The following PITPNM3 variants were observed in gnomAD, a reference collection of about 807,000 sequenced individuals.
PITPNM3 encodes membrane-associated phosphatidylinositol transfer protein 3.
A neutral mutation model predicts 102.0 loss-of-function variants in PITPNM3; 26 were observed. That is an observed-to-expected ratio of 0.25 (90% CI 0.19 to 0.35). The LOEUF is 0.35. Among genes scored for constraint, PITPNM3 ranks in the 10% least tolerant of loss-of-function variants. PITPNM3 has a pLI of 1.00. For synonymous variants in PITPNM3, 578 were observed against 558.6 expected, an observed-to-expected ratio of 1.03 and a Z score of -0.49; for missense variants, 1,083 against 1,346.1, an observed-to-expected ratio of 0.80 and a Z score of 3.06.
Position 6,471,156 on chromosome 17 carries a change from C to A in PITPNM3, c.1624+5G>T. ...CAGGCAGGGCCCCAAAAGGACCTCA[C>A]TCACTGCGGGAGGCACCCACGGGTG... On this transcript the variant is annotated splice_donor_5th_base_variant and intron_variant, in intron 12 of 19. Coordinates refer to ENST00000262483, the MANE Select transcript of PITPNM3 (RefSeq NM_031220.4). The A allele has an allele frequency of 6.2e-7, 1 of 1,611,972 alleles. No homozygotes were observed. The highest frequency in any genetic ancestry group is 8.5e-7 in the Non-Finnish European group (1 of 1,179,962).
At chr17:6,525,766 AGT>A (rs565579177) in intron 2 of PITPNM3, among the ~76,000 whole-genome samples, 2 of 152,236 alleles carry the variant, frequency 1.3e-5, no homozygotes, top group Non-Finnish European at 2.9e-5. Context: ...CTTGAAAGTC[AGT>A]GTGTTTGGGA....
chr17:6,494,991 G>A (rs575480114), intron 4 of PITPNM3, among the ~76,000 whole-genome samples: 2 of 152,188 alleles, frequency 1.3e-5, no homozygotes, highest in East Asian at 3.9e-4. Flanking sequence ...TCATGATCTA[G>A]TATCAACATC....
chr17:6,453,214 C>T lies in PITPNM3; in HGVS notation c.*2124G>A, dbSNP rs934187506. 12 of 151,944 alleles carry T rather than the reference C, an allele frequency of 7.9e-5. No individual in the cohort carries two copies. Among genetic ancestry groups the T allele is most frequent in the Non-Finnish European group, 1.8e-4 (12 of 68,014 alleles). 9.4% of individuals were successfully genotyped at this position (151,944 alleles called of 1,614,324 possible). A position where few individuals can be genotyped will look rare whatever the true frequency, so the allele number is the denominator to read the frequency against. On this transcript the variant is annotated 3_prime_UTR_variant, in exon 20 of 20. Transcript: ENST00000262483. ...GGTTCTCAGGGAAGAGGGAATGTAA[C>T]TGGGAGCAAAGTACCCCATACTAAT...
rs1264634412 is a variant in PITPNM3 at position 6,451,278 on chromosome 17, T to C, written c.*4060A>G. 6.6e-6 allele frequency: 1 copy of C among 152,166 alleles called. No homozygotes were observed. Among genetic ancestry groups the C allele is most frequent in the East Asian group, 1.9e-4 (1 of 5,188 alleles). The allele number at this position is 152,166 out of a possible 1,614,324, so 9.4% of individuals were successfully genotyped here. On this transcript the variant is annotated 3_prime_UTR_variant, in exon 20 of 20. Transcript: ENST00000262483. ...AAACACATTGTAAAGGCAAAGAAGGTTTTTATTTAAGTGACAACATTTGAG... is the reference window on the plus strand; with the variant it reads ...AAACACATTGTAAAGGCAAAGAAGGCTTTTATTTAAGTGACAACATTTGAG...
chr17:6,544,909 G>A (rs1242321808), intron 1 of PITPNM3, among the ~76,000 whole-genome samples: 4 of 152,168 alleles, frequency 2.6e-5, no homozygotes, highest in African/African-American at 9.7e-5. Flanking sequence ...TCACACTTCA[G>A]TGCTCTCAGC....
At chr17:6,504,001 G>C (rs983345549) in intron 3 of PITPNM3, among the ~76,000 whole-genome samples, 3 of 152,090 alleles carry the variant, frequency 2.0e-5, no homozygotes, top group Non-Finnish European at 4.4e-5. Context: ...CTCTGGATCT[G>C]CATATCCCAC....
chr17:6,510,715 A>G (rs1265360521), intron 3 of PITPNM3, among the ~76,000 whole-genome samples: 1 of 152,276 alleles, frequency 6.6e-6, no homozygotes, highest in Non-Finnish European at 1.5e-5. Flanking sequence ...GGACACACCC[A>G]GAAAAGCACA....
chr17:6,459,537 C>G lies in PITPNM3; in HGVS notation c.2491-1815G>C, dbSNP rs1429101532. ...AGCCCAGAACTACCCTAAGCCATATCAGGTCCCGTGGCTGTATCAGCCTTG... is the reference window on the plus strand; with the variant it reads ...AGCCCAGAACTACCCTAAGCCATATGAGGTCCCGTGGCTGTATCAGCCTTG... On this transcript the variant is annotated intron_variant, in intron 18 of 19. Coordinates refer to ENST00000262483, the MANE Select transcript of PITPNM3 (RefSeq NM_031220.4). This position sits in a 1 kb window ranked among gnomAD's most constrained non-coding sequence, Gnocchi z 5.0. 6.6e-6 allele frequency among the ~76,000 whole-genome samples: 1 copy of G among 152,132 alleles called. No individual in the cohort carries two copies. Among genetic ancestry groups the G allele is most frequent in the African/African-American group, 2.4e-5 (1 of 41,436 alleles).
chr17:6,472,157 C>T lies in PITPNM3; in HGVS notation c.1429+500G>A, dbSNP rs1455845465. On this transcript the variant is annotated intron_variant, in intron 11 of 19. Coordinates refer to ENST00000262483, the MANE Select transcript of PITPNM3 (RefSeq NM_031220.4). This position sits in a 1 kb window ranked among gnomAD's most constrained non-coding sequence, Gnocchi z 4.1. Reference sequence around the variant, plus strand: ...TTGACCCTGGAGGCCACTGGCTCTTCGCCAAAACACCTGCCCTCGCTCCTG... The same window carrying T: ...TTGACCCTGGAGGCCACTGGCTCTTTGCCAAAACACCTGCCCTCGCTCCTG... Among the ~76,000 whole-genome samples the T allele has an allele frequency of 2.6e-5, 4 of 152,140 alleles. No homozygotes were observed. The highest frequency in any genetic ancestry group is 2.0e-4 in the Admixed American group (3 of 15,270).
chr17:6,487,124 A>C (rs1906142086), intron 4 of PITPNM3, among the ~76,000 whole-genome samples: 1 of 152,168 alleles, frequency 6.6e-6, no homozygotes, highest in African/African-American at 2.4e-5. Context: ...AAGAAGAACC[A>C]GGAGTGATGG....
intron 4 of PITPNM3, among the ~76,000 whole-genome samples, chr17:6,495,457 G>A (rs1211389509): frequency 6.6e-6 from 1 of 152,154 alleles, no homozygotes; most frequent in African/African-American, 2.4e-5. Context: ...CCCTGGCCCT[G>A]GGTGGAGGAG....
At chr17:6,505,911 C>G (rs1281790166) in intron 3 of PITPNM3, among the ~76,000 whole-genome samples, 1 of 152,028 alleles carries the variant, frequency 6.6e-6, no homozygotes, top group Non-Finnish European at 1.5e-5. Context: ...ACTGAGGACT[C>G]CAAGGAAGCT....
Position 6,488,461 on chromosome 17 carries a change from A to T in PITPNM3, c.275-4169T>A, listed in dbSNP as rs549383486. ...GCTTACTCGTCTATTTCCCCATCAG[A>T]CTGTGGGCCCCTTGAGAATAGAGTT... is the stretch of plus-strand genomic sequence containing the variant. On this transcript the variant is annotated intron_variant, in intron 4 of 19. Transcript: ENST00000262483. Among the ~76,000 whole-genome samples the T allele has an allele frequency of 4.7e-4, 71 of 151,712 alleles. 1 individual carries two copies. The South Asian group carries it at 0.015, about 31-fold the overall frequency.
At chr17:6,542,064 CCT>C (rs769247419) in intron 1 of PITPNM3, among the ~76,000 whole-genome samples, 9 of 152,180 alleles carry the variant, frequency 5.9e-5, no homozygotes, top group Admixed American at 1.3e-4. Flanking sequence ...TCAGTCTCCT[CCT>C]CTCTCCATTG....
intron 3 of PITPNM3, among the ~76,000 whole-genome samples, chr17:6,524,521 G>A (rs570011660): frequency 2.6e-5 from 4 of 152,236 alleles, no homozygotes; most frequent in Admixed American, 6.5e-5. Context: ...CAGATTTTAC[G>A]ACATCTTCAG....
intron 4 of PITPNM3, among the ~76,000 whole-genome samples, chr17:6,498,796 C>T (rs1461932694): frequency 6.6e-6 from 1 of 152,082 alleles, no homozygotes; most frequent in African/African-American, 2.4e-5. Flanking sequence ...TGGATGGAAG[C>T]ACAGAAAGAG....
At position 6,525,362 on chromosome 17, in the gene PITPNM3, G is replaced by A; in HGVS notation, c.220C>T (p.His74Tyr). 4 of 1,614,028 alleles carry A rather than the reference G, an allele frequency of 2.5e-6. No homozygotes were observed. In the South Asian group the frequency reaches 4.4e-5, roughly 18 times the overall value. ...GAGAGAAGCAGAGTCTCACCTTGAT[G>A]CTCGTCCAGTTTCCCCATGGTCTCG... is the stretch of plus-strand genomic sequence containing the variant. ...QIETMGKLDE[H>Y]QGEGTAPCTS... Residue 74 changes from histidine to tyrosine, a missense_variant, in exon 3 of 20, where the codon CAT becomes TAT. His to Tyr is a moderately conservative substitution (Grantham distance 83, BLOSUM62 2). Coordinates refer to ENST00000262483, the MANE Select transcript of PITPNM3 (RefSeq NM_031220.4).
chr17:6,457,720 G>A lies in PITPNM3; in HGVS notation c.2493C>T (p.Cys831=). The A allele has an allele frequency of 1.3e-6, 2 of 1,583,312 alleles. No individual in the cohort carries two copies. The highest frequency in any genetic ancestry group is 1.2e-5 in the South Asian group (1 of 86,718). The change falls in exon 19 of 20, where the codon TGC becomes TGT. Residue 831 remains cysteine (C), a splice_region_variant and synonymous_variant. Transcript: ENST00000262483. The surrounding 1 kb of genome is among the most constrained non-coding windows in gnomAD (Gnocchi z 4.7). ...AIFLRNLMQE[C]FIKISAAYGS... ...CATAGGCCGCACTGATTTTGATGAAGCACTGAAACACAGGGCAGGCATAGG... is the reference window on the plus strand; with the variant it reads ...CATAGGCCGCACTGATTTTGATGAAACACTGAAACACAGGGCAGGCATAGG...
intron 3 of PITPNM3, among the ~76,000 whole-genome samples, chr17:6,508,826 G>A (rs58477304): frequency 0.045 from 6,919 of 152,164 alleles, 364 homozygotes; most frequent in East Asian, 0.16. Flanking sequence ...GGGCTTGCCT[G>A]CCCAGTCCAA....
Sources: allele counts gnomAD v4.1 joint callset (sites outside exome capture counted in the v4.1 genomes callset), GRCh38; gene constraint gnomAD v4.1.1; non-coding constraint Gnocchi (gnomAD v3.1); transcripts MANE v1.5; gene names NCBI Gene and HGNC (gene_info 2026-07-23, HGNC 2026-07-21).